F8: variants seen among roughly 807,000 people sequenced by gnomAD.
The protein encoded by F8 is antihemophilic factor.
F8 carries 12 observed loss-of-function variants against 140.6 expected under a neutral mutation model. The observed-to-expected ratio is 0.09, with a 90% confidence interval of 0.05 to 0.14. F8 has a LOEUF of 0.14. F8 is among the 10% of genes least tolerant of loss of function. F8 has a pLI of 1.00. For synonymous variants in F8, 585 were observed against 614.6 expected (o/e 0.95, Z 0.71); for missense variants, 1,354 against 1,720.7 (o/e 0.79, Z 3.77).
rs2073190555 is a variant in F8 at position 154,930,676 on chromosome X, T to C, written c.3114A>G (p.Ser1038=). 8.3e-7 allele frequency: 1 copy of C among 1,208,070 alleles called. No individual in the cohort carries two copies. Among genetic ancestry groups the C allele is most frequent in the Non-Finnish European group, 1.1e-6 (1 of 894,054 alleles). ...CTGATGGACTATTCTCAATTAATAATGATGGGCCATCAATGTGAGTCTTTC... is the reference window on the plus strand; with the variant it reads ...CTGATGGACTATTCTCAATTAATAACGATGGGCCATCAATGTGAGTCTTTC... The part of the protein sequence containing the change: ...TNRKTHIDGP[S]LLIENSPSVW... The change falls in exon 14 of 26, where the codon TCA becomes TCG. Residue 1038 remains serine, a synonymous_variant. Transcript: ENST00000360256.
chrX:154,904,326 G>A lies in F8; in HGVS notation c.5785C>T (p.Pro1929Ser). 2.5e-6 allele frequency: 3 copies of A among 1,210,261 alleles called. No individual in the cohort carries two copies. Among genetic ancestry groups the A allele is most frequent in the South Asian group, 1.8e-5 (1 of 56,953 alleles). The change falls in exon 17 of 26, where the codon CCC becomes TCC. Residue 1929 changes from proline (P) to serine (S), a missense_variant. Coordinates refer to ENST00000360256, the MANE Select transcript of F8 (RefSeq NM_000132.4). ...AAGCGATAATTCTCTTTAAAAGTGG[G>A]ATCTTCCATCTGGATATTGCAGGGA... is the stretch of plus-strand genomic sequence containing the variant. ...RAPCNIQMEDPTFKENYRFHA... is the reference protein window; with the variant it reads ...RAPCNIQMEDSTFKENYRFHA...
At chrX:154,917,312 G>A (rs2073103070) in intron 14 of F8, among the ~76,000 whole-genome samples, 1 of 111,253 alleles carries the variant, frequency 9.0e-6, no homozygotes, top group Non-Finnish European at 1.9e-5. Flanking sequence ...GTATATTCCC[G>A]GATGAACTGG....
intron 11 of F8, among the ~76,000 whole-genome samples, chrX:154,954,393 G>C (rs2073353210): frequency 8.9e-6 from 1 of 111,931 alleles, no homozygotes; most frequent in Non-Finnish European, 1.9e-5. Context: ...GAACCAAGTG[G>C]TTATTCAGTG....
intron 22 of F8, among the ~76,000 whole-genome samples, chrX:154,869,394 C>T (rs1311795409): frequency 8.9e-6 from 1 of 111,913 alleles, no homozygotes; most frequent in Non-Finnish European, 1.9e-5. Flanking sequence ...AAGAAACACA[C>T]TCAAAACCAC....
At chrX:154,992,347 T>C (rs1168707367) in intron 4 of F8, among the ~76,000 whole-genome samples, 1 of 112,341 alleles carries the variant, frequency 8.9e-6, no homozygotes, top group Admixed American at 9.4e-5. Context: ...AAAAATAGGA[T>C]AAAAACAAAT....
chrX:154,931,853 G>A (rs1340577901), intron 13 of F8, among the ~76,000 whole-genome samples, 177 bp from the exon 14 acceptor site: 1 of 112,329 alleles, frequency 8.9e-6, no homozygotes, highest in South Asian at 3.6e-4. Flanking sequence ...TTGCATTGCT[G>A]CTGTTGTACT....
chrX:155,012,717 A>G (rs1328531719), intron 1 of F8, among the ~76,000 whole-genome samples: 1 of 111,038 alleles, frequency 9.0e-6, no homozygotes, highest in African/African-American at 3.3e-5. Flanking sequence ...GACCCTTAAA[A>G]AAAAAACCAA....
At chrX:154,911,852 T>A (rs2073070244) in intron 14 of F8, among the ~76,000 whole-genome samples, 1 of 112,098 alleles carries the variant, frequency 8.9e-6, no homozygotes, top group South Asian at 3.7e-4. Context: ...TTTTGCCACA[T>A]CCTCATCAGC....
intron 6 of F8, 135 bp downstream of exon 6, chrX:154,984,552 C>A: frequency 1.8e-6 from 1 of 554,809 alleles, no homozygotes; most frequent in Admixed American, 2.4e-5. Context: ...ACATTAAGAT[C>A]CCCAGAGGCC....
In F8 at chrX:154,845,413, G is replaced by T. The variant is rs181422167; in HGVS notation, c.6901-7661C>A. On this transcript the variant is annotated intron_variant, in intron 25 of 25. Transcript: ENST00000360256. ...TCTGGTAGAATTTGAGTGTGAATCC[G>T]TCTGGTCCTGGACTTTTTTTGGTTG... Among the ~76,000 whole-genome samples, 169 of 111,293 alleles carry T rather than the reference G, an allele frequency of 1.5e-3. 1 individual carries two copies. The highest frequency in any genetic ancestry group is 4.8e-3 in the African/African-American group (147 of 30,642).
intron 22 of F8, among the ~76,000 whole-genome samples, chrX:154,893,273 A>G (rs1378408891): frequency 8.9e-6 from 1 of 112,298 alleles, no homozygotes; most frequent in Non-Finnish European, 1.9e-5. Context: ...GACCACCTTG[A>G]GCACATGTTC....
intron 1 of F8, among the ~76,000 whole-genome samples, chrX:155,002,975 C>T (rs2073654618): frequency 9.0e-6 from 1 of 111,616 alleles, no homozygotes; most frequent in African/African-American, 3.3e-5. Context: ...CTTTCCATCT[C>T]ACCACATCAC....
intron 13 of F8, among the ~76,000 whole-genome samples, chrX:154,941,687 C>G (rs1174005604): frequency 1.8e-5 from 2 of 109,525 alleles, no homozygotes; most frequent in Non-Finnish European, 3.8e-5. Flanking sequence ...CCACAGAACT[C>G]TCCACCCCAA....
intron 6 of F8, among the ~76,000 whole-genome samples, chrX:154,970,376 C>T (rs781891459): frequency 2.1e-4 from 23 of 111,757 alleles, no homozygotes; most frequent in Non-Finnish European, 4.0e-4. Flanking sequence ...CAGCTGCCTC[C>T]TATTTTGGCT....
In F8 at chrX:154,928,594, G is replaced by A; in HGVS notation, c.5196C>T (p.Ser1732=). The part of the protein sequence containing the change: ...VERLWDYGMS[S]SPHVLRNRAQ... Reference sequence around the variant, plus strand: ...ACCTGTTTCTTAGAACATGTGGGGAGCTACTCATCCCATAATCCCAGAGCC... The same window carrying A: ...ACCTGTTTCTTAGAACATGTGGGGAACTACTCATCCCATAATCCCAGAGCC... Residue 1732 remains serine, a synonymous_variant, in exon 14 of 26, where the codon AGC becomes AGT. Coordinates refer to ENST00000360256, the MANE Select transcript of F8 (RefSeq NM_000132.4). 1 of 1,209,402 alleles carries A rather than the reference G, an allele frequency of 8.3e-7. No individual in the cohort carries two copies. The highest frequency in any genetic ancestry group is 2.2e-5 in the Admixed American group (1 of 46,062).
At chrX:154,893,296 G>A (rs1424200225) in intron 22 of F8, among the ~76,000 whole-genome samples, 1 of 112,217 alleles carries the variant, frequency 8.9e-6, no homozygotes, top group African/African-American at 3.2e-5. Context: ...AGGATCTCCT[G>A]AGGGCTGTGT....
rs1312170171 is a variant in F8, at chrX:154,835,808, TTTTA to T, written c.*1785_*1788del. 1 of 112,515 alleles carries T rather than the reference TTTTA, an allele frequency of 8.9e-6. No individual in the cohort carries two copies. The highest frequency in any genetic ancestry group is 1.9e-5 in the Non-Finnish European group (1 of 53,332). The allele number at this position is 112,515 out of a possible 1,213,427, so 9.3% of individuals were successfully genotyped here. A position where few individuals can be genotyped will look rare whatever the true frequency, so the allele number is the denominator to read the frequency against. On this transcript the variant is annotated 3_prime_UTR_variant, in exon 26 of 26. Transcript: ENST00000360256. The stretch of plus-strand genomic sequence containing the variant: ...AGGCATTTGTTTGTATGTGTCAATG[TTTTA>T]TTTAACTCATTACTGAAGAAACCAG...
At chrX:154,947,261 A>G (rs955313381) in intron 13 of F8, among the ~76,000 whole-genome samples, 9 of 108,765 alleles carry the variant, frequency 8.3e-5, no homozygotes, top group African/African-American at 3.0e-4. Context: ...AAGACATACA[A>G]ATGGCCAACA....
At chrX:154,960,591 T>C (rs1019458762) in intron 10 of F8, among the ~76,000 whole-genome samples, 1 of 101,645 alleles carries the variant, frequency 9.8e-6, no homozygotes. Context: ...TGAAACCCTG[T>C]TGAGAGAGAG....
Sources: allele counts gnomAD v4.1 joint callset (sites outside exome capture counted in the v4.1 genomes callset), GRCh38; gene constraint gnomAD v4.1.1; transcripts MANE v1.5; gene names NCBI Gene and HGNC (gene_info 2026-07-23, HGNC 2026-07-21).